Variants in DLGAP1 observed in about 807,000 individuals in gnomAD.
The protein encoded by DLGAP1 is disks large-associated protein 1.
A neutral mutation model predicts 90.8 loss-of-function variants in DLGAP1; 11 were observed. The ratio of observed to expected loss-of-function variants is 0.12; its 90% CI spans 0.08 to 0.20. DLGAP1 has a LOEUF of 0.20. DLGAP1 is among the 10% of genes least tolerant of loss of function. The probability of loss-of-function intolerance (pLI) is 1.00; values close to 1 mark genes in which losing one functional copy is unlikely to be tolerated. For synonymous variants in DLGAP1, 558 were observed against 540.7 expected, an observed-to-expected ratio of 1.03 and a Z score of -0.44; for missense variants, 1,050 against 1,333.8, an observed-to-expected ratio of 0.79 and a Z score of 3.31.
intron 7 of DLGAP1, among the ~76,000 whole-genome samples, chr18:3,689,980 G>A (rs1327875157): frequency 6.7e-6 from 1 of 148,942 alleles, no homozygotes; most frequent in African/African-American, 2.5e-5. Flanking sequence ...ATATAGTTTG[G>A]AAAGGCCAGC....
rs986049213 is a variant in DLGAP1, at chr18:3,582,115, G to A, written c.1725C>T (p.Gly575=). The A allele has an allele frequency of 1.2e-6, 2 of 1,613,858 alleles. No individual in the cohort carries two copies. The highest frequency in any genetic ancestry group is 1.7e-6 in the Non-Finnish European group (2 of 1,180,014). ...ACTGGCTGATAATATCTCCTCGCTG[G>A]CCCTGTCCGTCCATGTAGGCATCCT... ...SAQDAYMDGQ[G]QRGDIISQSG... Residue 575 remains glycine, a synonymous_variant, in exon 8 of 13, where the codon GGC becomes GGT. Coordinates refer to ENST00000315677, the MANE Select transcript of DLGAP1 (RefSeq NM_004746.4).
At chr18:4,395,629 G>T (rs571138376) in intron 1 of DLGAP1, among the ~76,000 whole-genome samples, 1 of 152,112 alleles carries the variant, frequency 6.6e-6, no homozygotes, top group African/African-American at 2.4e-5. Flanking sequence ...TCTGGTAAAA[G>T]TAAATAAACA....
At chr18:3,761,034 T>G (rs2063940846) in intron 5 of DLGAP1, among the ~76,000 whole-genome samples, 3 of 152,206 alleles carry the variant, frequency 2.0e-5, no homozygotes, top group Non-Finnish European at 4.4e-5. Context: ...GTAATAAACA[T>G]CTGTCTGTCT....
rs1459691770 is a variant in DLGAP1 at position 3,517,873 on chromosome 18, A to T, written c.2480-9212T>A. Among the ~76,000 whole-genome samples, 1 of 151,156 alleles carries T rather than the reference A, an allele frequency of 6.6e-6. No individual in the cohort carries two copies. Among genetic ancestry groups the T allele is most frequent in the East Asian group, 1.9e-4 (1 of 5,170 alleles). On this transcript the variant is annotated intron_variant, in intron 10 of 12. Coordinates refer to ENST00000315677, the MANE Select transcript of DLGAP1 (RefSeq NM_004746.4). The surrounding 1 kb of genome is among the most constrained non-coding windows in gnomAD (Gnocchi z 4.1). ...TGTGTCTCTGATTAAGCTTTGGCTT[A>T]AGGGAATGTTGTGCCTGGTTTGTTC...
rs147140169 is a variant in DLGAP1, at chr18:4,099,345, ATCTG to A, written c.-159+51831_-159+51834del. The stretch of plus-strand genomic sequence containing the variant: ...TATCTATCTATCTATCTATCTATCT[ATCTG>A]TCTGTCTGTCTATCTTTTTACAGGC... On this transcript the variant is annotated intron_variant, in intron 2 of 12. Coordinates refer to ENST00000315677, the MANE Select transcript of DLGAP1 (RefSeq NM_004746.4). 3.8e-3 allele frequency among the ~76,000 whole-genome samples: 277 copies of A among 73,052 alleles called. 2 individuals are homozygous for A. The highest frequency in any genetic ancestry group is 4.4e-3 in the Non-Finnish European group (160 of 36,174). The allele number at this position is 73,052 out of a possible 152,430, so 47.9% of individuals were successfully genotyped here.
chr18:4,053,817 C>G (rs534270032), intron 2 of DLGAP1, among the ~76,000 whole-genome samples: 20 of 152,204 alleles, frequency 1.3e-4, no homozygotes, highest in Non-Finnish European at 2.5e-4. Context: ...CACCTTGTTT[C>G]TGGAATTATG....
intron 2 of DLGAP1, among the ~76,000 whole-genome samples, chr18:4,026,587 T>A (rs1372631): frequency 6.6e-6 from 1 of 151,916 alleles, no homozygotes; most frequent in African/African-American, 2.4e-5. Flanking sequence ...GATGGAGCTC[T>A]GAGTATAAGC....
chr18:3,895,566 T>C lies in DLGAP1; in HGVS notation c.-72-15426A>G, dbSNP rs370842220. On this transcript the variant is annotated intron_variant, in intron 3 of 12. Coordinates refer to ENST00000315677, the MANE Select transcript of DLGAP1 (RefSeq NM_004746.4). ...GATAAATGTTAGCCAAATAAATACA[T>C]GAATGGGAATTTTCCTGCTCGGTAA... 2.5e-3 allele frequency among the ~76,000 whole-genome samples: 384 copies of C among 152,312 alleles called. 1 individual carries two copies. Among genetic ancestry groups the C allele is most frequent in the African/African-American group, 8.3e-3 (347 of 41,574 alleles).
intron 3 of DLGAP1, among the ~76,000 whole-genome samples, chr18:3,931,751 AT>A (rs1448193947): frequency 1.3e-5 from 2 of 152,026 alleles, no homozygotes; most frequent in East Asian, 1.9e-4. Flanking sequence ...TGCACAGAGA[AT>A]TTTTTTTAAA....
At chr18:3,671,325 C>T (rs920899934) in intron 7 of DLGAP1, among the ~76,000 whole-genome samples, 1 of 152,092 alleles carries the variant, frequency 6.6e-6, no homozygotes, top group Non-Finnish European at 1.5e-5. Context: ...CTTGTAGCAA[C>T]TGTAAACATT....
At chr18:4,088,023 A>C (rs1204239829) in intron 2 of DLGAP1, among the ~76,000 whole-genome samples, 2 of 151,612 alleles carry the variant, frequency 1.3e-5, no homozygotes, top group Admixed American at 6.6e-5. Flanking sequence ...TTTTAATTAA[A>C]TAATTTTTAT....
Position 3,498,942 on chromosome 18 carries a change from G to C in DLGAP1, c.*243C>G, listed in dbSNP as rs754402847. On this transcript the variant is annotated 3_prime_UTR_variant, in exon 13 of 13. Transcript: ENST00000315677. ...AGGGTTGGATCTCAGTATGAGGCAG[G>C]GCGACGGCATCAGGACAGGGGGCGA... is the stretch of plus-strand genomic sequence containing the variant. 5 of 534,496 alleles carry C rather than the reference G, an allele frequency of 9.4e-6. No homozygotes were observed. The highest frequency in any genetic ancestry group is 3.3e-5 in the East Asian group (1 of 30,672). 33.1% of individuals were successfully genotyped at this position (534,496 alleles called of 1,614,324 possible). A position where few individuals can be genotyped will look rare whatever the true frequency, so the allele number is the denominator to read the frequency against.
intron 1 of DLGAP1, among the ~76,000 whole-genome samples, chr18:4,230,066 C>A (rs188618371): frequency 0.017 from 2,594 of 152,066 alleles, 30 homozygotes; most frequent in Non-Finnish European, 0.024. Context: ...CTATGAAATG[C>A]AAATTAAAAC....
chr18:3,946,344 G>A (rs910173483), intron 3 of DLGAP1, among the ~76,000 whole-genome samples: 28 of 152,106 alleles, frequency 1.8e-4, no homozygotes, highest in African/African-American at 4.8e-4. Context: ...TGCTCACCAC[G>A]TGTCATAATA....
At chr18:3,720,888 CA>C (rs1186426563) in intron 7 of DLGAP1, among the ~76,000 whole-genome samples, 72 of 50,316 alleles carry the variant, frequency 1.4e-3, no homozygotes, top group Middle Eastern at 0.015. Context: ...CTTGTCTCTA[CA>C]AAAAAAAAAA....
intron 1 of DLGAP1, among the ~76,000 whole-genome samples, chr18:4,258,401 TAA>T (rs2078939554): frequency 6.6e-6 from 1 of 152,136 alleles, no homozygotes; most frequent in Non-Finnish European, 1.5e-5. Context: ...TGCCCATTCC[TAA>T]AGTTTCCATT....
chr18:4,383,330 T>C lies in DLGAP1; in HGVS notation c.-267+71676A>G, dbSNP rs2082167910. On this transcript the variant is annotated intron_variant, in intron 1 of 12. Coordinates refer to ENST00000315677, the MANE Select transcript of DLGAP1 (RefSeq NM_004746.4). The surrounding 1 kb of genome is among the most constrained non-coding windows in gnomAD (Gnocchi z 4.0). The stretch of plus-strand genomic sequence containing the variant: ...ATTAATGAGTAAAATAATATGTACT[T>C]AAACTCAAAATATTTAGTACATTAA... Among the ~76,000 whole-genome samples, 1 of 152,166 alleles carries C rather than the reference T, an allele frequency of 6.6e-6. No individual in the cohort carries two copies.
intron 4 of DLGAP1, among the ~76,000 whole-genome samples, chr18:3,871,149 G>A (rs1048689308): frequency 1.3e-5 from 2 of 152,236 alleles, no homozygotes; most frequent in African/African-American, 2.4e-5. Flanking sequence ...GTGAGCCTGC[G>A]AGTGCCAGGT....
At position 3,879,536 on chromosome 18, in the gene DLGAP1, T is replaced by C. The variant is rs201740434; in HGVS notation, c.533A>G (p.Tyr178Cys). 27 of 1,600,590 alleles carry C rather than the reference T, an allele frequency of 1.7e-5. No homozygotes were observed. Among genetic ancestry groups the C allele is most frequent in the African/African-American group, 1.6e-4 (12 of 74,982 alleles). Residue 178 changes from tyrosine (Y) to cysteine (C), a missense_variant, in exon 4 of 13, where the codon TAT becomes TGT. Coordinates refer to ENST00000315677, the MANE Select transcript of DLGAP1 (RefSeq NM_004746.4). The surrounding 1 kb of genome is among the most constrained non-coding windows in gnomAD (Gnocchi z 6.6). ...ASPDEAQAAR[Y>C]GKRSKSKERR... The stretch of plus-strand genomic sequence containing the variant: ...CTCCTTGCTCTTGCTGCGTTTGCCA[T>C]AGCGCGCCGCCTGCGCCTCGTCAGG...
Sources: gnomAD v4.1 joint callset for allele counts (sites outside exome capture counted in the v4.1 genomes callset) on GRCh38, gnomAD v4.1.1 for gene constraint, Gnocchi (gnomAD v3.1) non-coding constraint, MANE v1.5 for transcripts, NCBI Gene and HGNC (gene_info 2026-07-23, HGNC 2026-07-21) for gene names.